Variants in SATB1 observed in about 807,000 individuals in gnomAD.
SATB1 encodes the protein DNA-binding protein SATB1.
A neutral mutation model predicts 86.9 loss-of-function variants in SATB1; 11 were observed. That is an observed-to-expected ratio of 0.13 (90% CI 0.08 to 0.21). The LOEUF (loss-of-function observed/expected upper bound fraction) is 0.21, where lower values mean the gene tolerates loss of function less well. Ranked by LOEUF, SATB1 falls within the 10% of genes least tolerant of loss-of-function variation. SATB1 has a pLI of 1.00. For synonymous variants in SATB1, 357 were observed against 357.2 expected (o/e 1.00, Z 0.01); for missense variants, 551 against 937.6 (o/e 0.59, Z 5.39).
intron 5 of SATB1, among the ~76,000 whole-genome samples, chr3:18,400,832 T>C (rs1317244849): frequency 6.6e-6 from 1 of 152,224 alleles, no homozygotes; most frequent in Non-Finnish European, 1.5e-5. Flanking sequence ...TAATGTAGAA[T>C]GAAGTATACT....
chr3:18,369,301 C>A lies in SATB1; in HGVS notation c.1575+8869G>T, dbSNP rs143635968. 2.6e-5 allele frequency among the ~76,000 whole-genome samples: 4 copies of A among 151,612 alleles called. No homozygotes were observed. The East Asian group carries it at 7.7e-4, about 29-fold the overall frequency. On this transcript the variant is annotated intron_variant, in intron 9 of 10. Transcript: ENST00000338745. ...CGGCATAGAATCAAGGGACATTATGCACCCTACCCACCCCCCTCCACAAAA... is the reference window on the plus strand; with the variant it reads ...CGGCATAGAATCAAGGGACATTATGAACCCTACCCACCCCCCTCCACAAAA...
chr3:18,367,677 C>T (rs9879573), intron 9 of SATB1, among the ~76,000 whole-genome samples: 17,291 of 152,130 alleles, frequency 0.11, 2,135 homozygotes, highest in African/African-American at 0.3. Flanking sequence ...ACTGAGAATA[C>T]TGATCTTGTT....
At chr3:18,369,826 T>C (rs1445767976) in intron 9 of SATB1, among the ~76,000 whole-genome samples, 4 of 152,176 alleles carry the variant, frequency 2.6e-5, no homozygotes, top group Non-Finnish European at 5.9e-5. Flanking sequence ...TAAATTGAAA[T>C]ATTTCACAGC....
At chr3:18,360,169 G>A (rs561940779) in intron 9 of SATB1, among the ~76,000 whole-genome samples, 2 of 152,260 alleles carry the variant, frequency 1.3e-5, no homozygotes, top group South Asian at 2.1e-4. Flanking sequence ...TTAATCTGAT[G>A]TTTAATTTCG....
Position 18,349,917 on chromosome 3 carries a change from T to C in SATB1, c.1780-235A>G. The C allele has an allele frequency of 1.6e-6, 1 of 614,970 alleles. No homozygotes were observed. The highest frequency in any genetic ancestry group is 2.6e-6 in the Non-Finnish European group (1 of 383,340). 38.1% of individuals were successfully genotyped at this position (614,970 alleles called of 1,614,324 possible). On this transcript the variant is annotated intron_variant, in intron 10 of 10. Transcript: ENST00000338745. This position sits in a 1 kb window ranked among gnomAD's most constrained non-coding sequence, Gnocchi z 5.5. Reference sequence around the variant, plus strand: ...AGCTTTGGGGGGCTACTGCACTTACTTATCAGAGATCAGCAGAGGAAGTGA... The same window carrying C: ...AGCTTTGGGGGGCTACTGCACTTACCTATCAGAGATCAGCAGAGGAAGTGA...
intron 9 of SATB1, among the ~76,000 whole-genome samples, chr3:18,370,514 GCAAAAAA>G (rs1269111723): frequency 2.3e-4 from 3 of 13,236 alleles, no homozygotes; most frequent in Non-Finnish European, 4.6e-4. Flanking sequence ...ACTGAGAGAG[GCAAAAAA>G]AAAAAAAAAA....
In SATB1 at chr3:18,386,614, G is replaced by A. The variant is rs764495712; in HGVS notation, c.1207-3C>T. 2.5e-6 allele frequency: 4 copies of A among 1,613,402 alleles called. No homozygotes were observed. The highest frequency in any genetic ancestry group is 1.1e-5 in the South Asian group (1 of 90,934). On this transcript the variant is annotated splice_region_variant and splice_polypyrimidine_tract_variant and intron_variant, in intron 7 of 10. Transcript: ENST00000338745. This position sits in a 1 kb window ranked among gnomAD's most constrained non-coding sequence, Gnocchi z 4.5. ...CGGAGGATTTCTGAAAGCAAGCCCT[G>A]CAAGAAATGAAAGGCACAGGGTGAG...
rs550651921 is a variant in SATB1, at chr3:18,444,419, T to G, written c.-25+1099A>C. 6.6e-6 allele frequency among the ~76,000 whole-genome samples: 1 copy of G among 151,948 alleles called. No individual in the cohort carries two copies. Among genetic ancestry groups the G allele is most frequent in the East Asian group, 2.0e-4 (1 of 5,122 alleles). ...TACCAGCCCACCCCTCCAAGGTCCGTCTGCGTGAGAAAAGGGGCTCGGAAG... is the reference window on the plus strand; with the variant it reads ...TACCAGCCCACCCCTCCAAGGTCCGGCTGCGTGAGAAAAGGGGCTCGGAAG... On this transcript the variant is annotated intron_variant, in intron 1 of 3. Transcript: ENST00000415069. This position sits in a 1 kb window ranked among gnomAD's most constrained non-coding sequence, Gnocchi z 5.1.
chr3:18,415,121 G>A lies in SATB1; in HGVS notation c.629C>T (p.Pro210Leu). The A allele has an allele frequency of 6.2e-7, 1 of 1,612,700 alleles. No homozygotes were observed. Among genetic ancestry groups the A allele is most frequent in the Non-Finnish European group, 8.5e-7 (1 of 1,179,074 alleles). The change falls in exon 5 of 11, where the codon CCC becomes CTC. Residue 210 changes from proline to leucine, a missense_variant. This residue lies in a region of SATB1 where 153 missense variants were observed against 258.1 expected (regional missense o/e 0.59). Transcript: ENST00000338745. The part of the protein sequence containing the change: ...MNQSSLAKEC[P>L]LSQSMISSIV... ...TTCTATGCTAAGTACCTGTGAAAGG[G>A]GGCACTCCTTGGCCAATGAACTCTG...
intron 9 of SATB1, among the ~76,000 whole-genome samples, chr3:18,361,635 T>C (rs1225152817): frequency 6.6e-6 from 1 of 152,158 alleles, no homozygotes; most frequent in Non-Finnish European, 1.5e-5. Context: ...TTGCAGAATG[T>C]GGAAATATCT....
intron 4 of SATB1, among the ~76,000 whole-genome samples, chr3:18,415,436 C>T (rs1291026037): frequency 6.6e-6 from 1 of 152,016 alleles, no homozygotes; most frequent in Non-Finnish European, 1.5e-5. Flanking sequence ...CATCAGCTGC[C>T]TGTGGTGGCT....
rs193253614 is a variant in SATB1, at chr3:18,433,940, T to A, written c.-25+2849A>T. 2.3e-3 allele frequency among the ~76,000 whole-genome samples: 344 copies of A among 152,240 alleles called. 3 individuals carry two copies. Among genetic ancestry groups the A allele is most frequent in the African/African-American group, 7.9e-3 (329 of 41,568 alleles). On this transcript the variant is annotated intron_variant, in intron 2 of 3. Coordinates refer to the SATB1 transcript ENST00000414509. ...AGAGAGCCTTGAGGCTGTTTTTTAA[T>A]CATTTATTTTTATTTATTTTGCAAA...
At chr3:18,400,483 T>C (rs1697203906) in intron 5 of SATB1, among the ~76,000 whole-genome samples, 1 of 152,212 alleles carries the variant, frequency 6.6e-6, no homozygotes, top group African/African-American at 2.4e-5. Flanking sequence ...ATACACCTCA[T>C]GGAGTTGTTC....
chr3:18,423,742 TAAAAAAAA>T lies in SATB1; in HGVS notation c.-148_-141del, dbSNP rs3838737. ...TTTCTATGTCCTTTTTTTTTTTAAT[TAAAAAAAA>T]AAAAATAAAAAAGCAGCAGACCTGA... On this transcript the variant is annotated 5_prime_UTR_variant, in exon 1 of 11. Transcript: ENST00000338745. 2 of 136,154 alleles carry T rather than the reference TAAAAAAAA, an allele frequency of 1.5e-5. No individual in the cohort carries two copies. The highest frequency in any genetic ancestry group is 2.7e-5 in the African/African-American group (1 of 36,538). 8.4% of individuals were successfully genotyped at this position (136,154 alleles called of 1,614,324 possible).
In SATB1 at chr3:18,444,864, A is replaced by C. The variant is rs1699340116; in HGVS notation, c.-25+654T>G. 1 of 139,482 alleles carries C rather than the reference A, an allele frequency of 7.2e-6. No individual in the cohort carries two copies. Among genetic ancestry groups the C allele is most frequent in the Non-Finnish European group, 1.5e-5 (1 of 66,080 alleles). 8.6% of individuals were successfully genotyped at this position (139,482 alleles called of 1,614,324 possible). A position where few individuals can be genotyped will look rare whatever the true frequency, so the allele number is the denominator to read the frequency against. ...AGCGAGCGAGCGAGCGCGCGGGGCC[A>C]AGGGAAGGAAGAGAAGGAGGGGGAG... On this transcript the variant is annotated intron_variant, in intron 1 of 3. Transcript: ENST00000415069. The surrounding 1 kb of genome is among the most constrained non-coding windows in gnomAD (Gnocchi z 5.1).
intron 9 of SATB1, among the ~76,000 whole-genome samples, chr3:18,376,309 T>C (rs1308015892): frequency 1.3e-5 from 2 of 152,024 alleles, no homozygotes; most frequent in Non-Finnish European, 2.9e-5. Flanking sequence ...TGACAGGTGA[T>C]AGATAACTAA....
intron 5 of SATB1, among the ~76,000 whole-genome samples, chr3:18,400,009 GGCAGGAAAGAGAC>G (rs1332681730): frequency 6.6e-6 from 1 of 152,022 alleles, no homozygotes; most frequent in African/African-American, 2.4e-5. Context: ...CGGTTTCAAT[GGCAGGAAAGAGAC>G]TGCAGAATTT....
At position 18,348,001 on chromosome 3, in the gene SATB1, T is replaced by C. The variant is rs1452519428; in HGVS notation, c.*1169A>G. 6.5e-6 allele frequency: 1 copy of C among 152,716 alleles called. No homozygotes were observed. The highest frequency in any genetic ancestry group is 1.9e-4 in the East Asian group (1 of 5,192). 9.5% of individuals were successfully genotyped at this position (152,716 alleles called of 1,614,324 possible). A position where few individuals can be genotyped will look rare whatever the true frequency, so the allele number is the denominator to read the frequency against. ...TCAATAACCACTCCTAGTCAGAACA[T>C]TTCTGCATAAAGAAAATTGTGATAC... is the stretch of plus-strand genomic sequence containing the variant. On this transcript the variant is annotated 3_prime_UTR_variant, in exon 11 of 11. Coordinates refer to ENST00000338745, the MANE Select transcript of SATB1 (RefSeq NM_002971.6).
At chr3:18,376,982 AGC>A (rs1695790383) in intron 9 of SATB1, among the ~76,000 whole-genome samples, 1 of 152,226 alleles carries the variant, frequency 6.6e-6, no homozygotes, top group African/African-American at 2.4e-5. Flanking sequence ...TACAGTCCAC[AGC>A]TTGAGTTTAA....
Sources: allele counts gnomAD v4.1 joint callset (sites outside exome capture counted in the v4.1 genomes callset), GRCh38; gene constraint gnomAD v4.1.1; regional missense constraint gnomAD v4.1.1; non-coding constraint Gnocchi (gnomAD v3.1); transcripts MANE v1.5; gene names NCBI Gene and HGNC (gene_info 2026-07-23, HGNC 2026-07-21).